Variants in SETD5 observed in about 807,000 individuals in gnomAD.
The protein encoded by SETD5 is SET domain containing 5.
SETD5 carries 44 observed loss-of-function variants against 153.3 expected under a neutral mutation model. That is an observed-to-expected ratio of 0.29 (90% confidence interval 0.23 to 0.37). The LOEUF is 0.37. Ranked by LOEUF, SETD5 falls within the 10% of genes least tolerant of loss-of-function variation. SETD5 has a pLI of 1.00. For synonymous variants in SETD5, 716 were observed against 645.2 expected, an observed-to-expected ratio of 1.11 and a Z score of -1.66; for missense variants, 1,544 against 1,768.0, an observed-to-expected ratio of 0.87 and a Z score of 2.27.
intron 16 of SETD5, among the ~76,000 whole-genome samples, chr3:9,451,836 T>C (rs991489178): frequency 1.4e-4 from 21 of 152,200 alleles, no homozygotes; most frequent in African/African-American, 4.8e-4. Flanking sequence ...CTTTAAAATA[T>C]TTATCCATCT....
At chr3:9,446,075 C>A (rs1257103178) in intron 13 of SETD5, among the ~76,000 whole-genome samples, 1 of 147,968 alleles carries the variant, frequency 6.8e-6, no homozygotes, top group South Asian at 2.1e-4. Context: ...ATCACGAGGT[C>A]AGGAGATCGA....
At chr3:9,455,921 A>G (rs2043182786) in intron 17 of SETD5, among the ~76,000 whole-genome samples, 1 of 152,212 alleles carries the variant, frequency 6.6e-6, no homozygotes, top group Admixed American at 6.5e-5. Context: ...AAACACTCAC[A>G]GGACACACCT....
chr3:9,430,024 T>A (rs915383468), intron 3 of SETD5: 4 of 1,123,582 alleles, frequency 3.6e-6, no homozygotes, highest in Non-Finnish European at 4.5e-6. Context: ...GTTCAGACTC[T>A]TGATCCCACA....
chr3:9,413,871 G>A (rs1034303824), intron 1 of SETD5, among the ~76,000 whole-genome samples: 12 of 151,876 alleles, frequency 7.9e-5, no homozygotes, highest in African/African-American at 2.9e-4. Flanking sequence ...TCTGCCTCCC[G>A]GGTTCAAGCA....
At position 9,475,505 on chromosome 3, in the gene SETD5, G is replaced by A. The variant is rs775604283; in HGVS notation, c.3743G>A (p.Arg1248Gln). The A allele has an allele frequency of 2.2e-5, 36 of 1,613,138 alleles. No homozygotes were observed. Among genetic ancestry groups the A allele is most frequent in the Non-Finnish European group, 2.8e-5 (33 of 1,179,432 alleles). ...TAGCTCCTGCAGTGTGATAGTCCTC[G>A]GACAGAATCACAAAGCCTCCTTCAG... The part of the protein sequence containing the change: ...SYQLLQCDSP[R>Q]TESQSLLQQS... The change falls in exon 23 of 23, where the codon CGG becomes CAG. Residue 1248 changes from arginine to glutamine, a missense_variant. Physicochemically the swap from Arg to Gln is conservative, Grantham distance 43. Around this residue, in one of 9 missense-constraint regions of SETD5, gnomAD observed 302 missense variants for 277.6 expected, o/e 1.09. Transcript: ENST00000402198.
At chr3:9,399,071 C>T (rs2034289285) in intron 1 of SETD5, among the ~76,000 whole-genome samples, 1 of 152,204 alleles carries the variant, frequency 6.6e-6, no homozygotes, top group African/African-American at 2.4e-5. Context: ...TTCCTTCCTG[C>T]ACATAGGTAC....
chr3:9,402,148 G>C (rs1232065246), intron 1 of SETD5, among the ~76,000 whole-genome samples: 1 of 152,128 alleles, frequency 6.6e-6, no homozygotes, highest in Non-Finnish European at 1.5e-5. Flanking sequence ...TAAGTCTTAG[G>C]AAAACTGTTT....
intron 1 of SETD5, among the ~76,000 whole-genome samples, chr3:9,414,511 G>A (rs1295255906): frequency 1.3e-5 from 2 of 152,132 alleles, no homozygotes; most frequent in East Asian, 3.8e-4. Flanking sequence ...CTAGAGCAGG[G>A]ATCTTGGTTT....
chr3:9,404,726 A>G (rs1037668941), intron 1 of SETD5, among the ~76,000 whole-genome samples: 4 of 152,176 alleles, frequency 2.6e-5, no homozygotes, highest in African/African-American at 4.8e-5. Flanking sequence ...GGTAGCTTCC[A>G]TTGCTCCTAT....
intron 1 of SETD5, among the ~76,000 whole-genome samples, chr3:9,408,728 A>G (rs2036106802): frequency 6.6e-6 from 1 of 152,096 alleles, no homozygotes; most frequent in African/African-American, 2.4e-5. Flanking sequence ...TGTCTGTGTA[A>G]TGTTAAGCAG....
chr3:9,477,632 T>G lies in SETD5; in HGVS notation c.*1541T>G, dbSNP rs900483176. On this transcript the variant is annotated 3_prime_UTR_variant, in exon 23 of 23. Transcript: ENST00000402198. Reference sequence around the variant, plus strand: ...CTCTTTGTGTGTGACTGTTACAAAATTTCACTTTTCAAAATCGAAATCAGG... The same window carrying G: ...CTCTTTGTGTGTGACTGTTACAAAAGTTCACTTTTCAAAATCGAAATCAGG... 3 of 152,304 alleles carry G rather than the reference T, an allele frequency of 2.0e-5. No homozygotes were observed. The highest frequency in any genetic ancestry group is 4.4e-5 in the Non-Finnish European group (3 of 67,982). The allele number at this position is 152,304 out of a possible 1,614,324, so 9.4% of individuals were successfully genotyped here. A position where few individuals can be genotyped will look rare whatever the true frequency, so the allele number is the denominator to read the frequency against.
At chr3:9,471,702 T>G (rs528123147) in intron 19 of SETD5, among the ~76,000 whole-genome samples, 1 of 152,130 alleles carries the variant, frequency 6.6e-6, no homozygotes, top group African/African-American at 2.4e-5. Context: ...AAAAATATGC[T>G]TTTGTATAAG....
intron 3 of SETD5, chr3:9,431,777 C>G (rs2039993540): frequency 9.5e-6 from 9 of 948,762 alleles, no homozygotes; most frequent in African/African-American, 1.8e-5. Context: ...CAGCATAGCT[C>G]CATCTCCATG....
intron 14 of SETD5, 33 bp from the exon 15 acceptor site, chr3:9,447,653 T>C (rs1310278935): frequency 6.3e-7 from 1 of 1,594,048 alleles, no homozygotes. Flanking sequence ...ATAAAACATT[T>C]CTGGTAAGCA....
At chr3:9,460,552 T>G (rs1430117435) in intron 17 of SETD5, among the ~76,000 whole-genome samples, 1 of 152,036 alleles carries the variant, frequency 6.6e-6, no homozygotes, top group African/African-American at 2.4e-5. Flanking sequence ...CCTAACAATT[T>G]TAATAAAAAG....
At chr3:9,464,714 C>A (rs1190130728) in intron 18 of SETD5, 42 bp downstream of exon 18, 13 of 1,613,566 alleles carry the variant, frequency 8.1e-6, no homozygotes, top group Non-Finnish European at 1.1e-5. Context: ...ATATGAAAAT[C>A]ATCATTTGTA....
At chr3:9,410,857 C>CT in intron 1 of SETD5, among the ~76,000 whole-genome samples, 1 of 151,280 alleles carries the variant, frequency 6.6e-6, no homozygotes, top group East Asian at 1.9e-4. Context: ...AGATAAGAAA[C>CT]TTTCTCCAGT....
At chr3:9,470,326 A>G in intron 18 of SETD5, 133 bp from the exon 19 acceptor site, 1 of 699,942 alleles carries the variant, frequency 1.4e-6, no homozygotes, top group Non-Finnish European at 2.5e-6. Context: ...TACAGAATAT[A>G]ATGGCTTTAT....
chr3:9,427,813 A>T (rs775570510), intron 2 of SETD5, among the ~76,000 whole-genome samples: 1 of 152,320 alleles, frequency 6.6e-6, no homozygotes, highest in African/African-American at 2.4e-5. Flanking sequence ...CTGTAAAACT[A>T]CTAATGTAAA....
Sources: gnomAD v4.1 joint callset for allele counts (sites outside exome capture counted in the v4.1 genomes callset) on GRCh38, gnomAD v4.1.1 for gene constraint, gnomAD v4.1.1 regional missense constraint, MANE v1.5 for transcripts, NCBI Gene and HGNC (gene_info 2026-07-23, HGNC 2026-07-21) for gene names.